DHTKD1: variants seen among roughly 807,000 people sequenced by gnomAD.
DHTKD1 encodes 2-oxoadipate dehydrogenase complex component E1.
A neutral mutation model predicts 101.8 loss-of-function variants in DHTKD1; 78 were observed. That is an observed-to-expected ratio of 0.77 (90% CI 0.64 to 0.93). The LOEUF (loss-of-function observed/expected upper bound fraction) is 0.93, where lower values mean the gene tolerates loss of function less well. Ranked by LOEUF, DHTKD1 falls within the 40% of genes least tolerant of loss-of-function variation. DHTKD1 has a pLI of 0.00. For synonymous variants in DHTKD1, 462 were observed against 450.3 expected, an observed-to-expected ratio of 1.03 and a Z score of -0.33; for missense variants, 1,223 against 1,161.7, an observed-to-expected ratio of 1.05 and a Z score of -0.77.
rs189822340 is a variant in DHTKD1 at position 12,087,244 on chromosome 10, C to G, written c.523-291C>G. 1.3e-3 allele frequency among the ~76,000 whole-genome samples: 200 copies of G among 152,228 alleles called. No homozygotes were observed. Among genetic ancestry groups the G allele is most frequent in the Non-Finnish European group, 2.4e-3 (161 of 68,022 alleles). On this transcript the variant is annotated intron_variant, in intron 3 of 16. Coordinates refer to ENST00000263035, the MANE Select transcript of DHTKD1 (RefSeq NM_018706.7). This position sits in a 1 kb window ranked among gnomAD's most constrained non-coding sequence, Gnocchi z 5.2. ...GGTACTGGGAAGAGGCAGCAGAAAT[C>G]TAAGGCCTGGATTCCAGTCCAGAAG...
At chr10:12,069,281 GCTGCCGGCCTGAACGCGCGGCC>G in intron 1 of DHTKD1, 94 bp downstream of exon 1, 1 of 1,204,208 alleles carries the variant, frequency 8.3e-7, no homozygotes, top group African/African-American at 1.6e-5. Flanking sequence ...CGGGGAACCG[GCTGCCGGCCTGAACGCGCGGCC>G]GGTGGGGAGG....
intron 10 of DHTKD1, among the ~76,000 whole-genome samples, chr10:12,104,247 C>T (rs547625594): frequency 1.2e-3 from 190 of 152,196 alleles, no homozygotes; most frequent in African/African-American, 4.4e-3. Context: ...GGCGCAACCT[C>T]GGCTCACTGC....
intron 1 of DHTKD1, among the ~76,000 whole-genome samples, chr10:12,081,156 CCAGGCTACTTGGGAGG>C (rs1832810034): frequency 6.6e-6 from 1 of 151,502 alleles, no homozygotes; most frequent in Admixed American, 6.6e-5. Context: ...AAAAAATTAG[CCAGGCTACTTGGGAGG>C]CTGAGGCAGG....
intron 6 of DHTKD1, among the ~76,000 whole-genome samples, chr10:12,092,735 G>A (rs1261612200): frequency 7.9e-5 from 12 of 151,916 alleles, no homozygotes; most frequent in Admixed American, 5.3e-4. Context: ...CCTGGGAGGC[G>A]GAGGTTGCAG....
At chr10:12,111,737 G>T (rs1024625383) in intron 12 of DHTKD1, among the ~76,000 whole-genome samples, 2 of 152,144 alleles carry the variant, frequency 1.3e-5, no homozygotes, top group African/African-American at 2.4e-5. Context: ...CATTAGCTGA[G>T]AGTGGTGATG....
At position 12,097,802 on chromosome 10, in the gene DHTKD1, A is replaced by G. The variant is rs761255122; in HGVS notation, c.1477A>G (p.Asn493Asp). ...SYYAKLNDHL[N>D]NMAHYRPPAL... is the part of the protein sequence containing the mutation. ...CTATGCCAAGTTGAATGATCACTTA[A>G]ATAACATGGCCCACTACAGGCCCCC... Residue 493 changes from asparagine to aspartate, a missense_variant, in exon 8 of 17, where the codon AAT becomes GAT. Physicochemically the swap from Asn to Asp is conservative, Grantham distance 23 (BLOSUM62 1). Coordinates refer to ENST00000263035, the MANE Select transcript of DHTKD1 (RefSeq NM_018706.7). 6.8e-6 allele frequency: 11 copies of G among 1,614,228 alleles called. No homozygotes were observed. The highest frequency in any genetic ancestry group is 9.3e-6 in the Non-Finnish European group (11 of 1,180,040).
At chr10:12,077,523 C>T (rs759937107) in intron 1 of DHTKD1, among the ~76,000 whole-genome samples, 47 of 152,334 alleles carry the variant, frequency 3.1e-4, no homozygotes, top group Middle Eastern at 3.4e-3. Context: ...AGGCATGAGC[C>T]ACTGTGCCCG....
chr10:12,085,652 G>T (rs2131355843), intron 3 of DHTKD1, among the ~76,000 whole-genome samples: 1 of 152,256 alleles, frequency 6.6e-6, no homozygotes, highest in Middle Eastern at 3.4e-3. Flanking sequence ...GCTTAGGTGG[G>T]CGTATTGCTT....
intron 1 of DHTKD1, among the ~76,000 whole-genome samples, chr10:12,079,831 C>G (rs945562748): frequency 1.3e-5 from 2 of 152,200 alleles, no homozygotes; most frequent in African/African-American, 4.8e-5. Context: ...ATTTATAGGA[C>G]TAACCCCCAG....
At chr10:12,117,790 C>G (rs372895137) in intron 14 of DHTKD1, 35 bp downstream of exon 14, 1 of 1,249,730 alleles carries the variant, frequency 8.0e-7, no homozygotes, top group Non-Finnish European at 1.2e-6. Flanking sequence ...TATTCTGTGG[C>G]AGAATTTTAA....
intron 14 of DHTKD1, among the ~76,000 whole-genome samples, chr10:12,118,282 C>T (rs1833451260): frequency 6.6e-6 from 1 of 151,946 alleles, no homozygotes; most frequent in Non-Finnish European, 1.5e-5. Flanking sequence ...AAGAAGGGTC[C>T]CCAGGAATAG....
intron 12 of DHTKD1, among the ~76,000 whole-genome samples, chr10:12,112,500 G>GCACACA (rs141598482): frequency 1.6e-4 from 24 of 151,024 alleles, no homozygotes; most frequent in African/African-American, 5.9e-4. Flanking sequence ...AAGCACGCGT[G>GCACACA]CACACACACA....
At chr10:12,081,733 A>C (rs2131352414) in intron 2 of DHTKD1, 106 bp downstream of exon 2, 3 of 1,265,752 alleles carry the variant, frequency 2.4e-6, no homozygotes, top group Non-Finnish European at 3.3e-6. Context: ...AGGCTCCCGC[A>C]GGTGTGAGGA....
intron 10 of DHTKD1, among the ~76,000 whole-genome samples, chr10:12,102,422 CAAAAAA>C (rs752816882): frequency 3.1e-5 from 2 of 64,838 alleles, no homozygotes; most frequent in African/African-American, 1.2e-4. Context: ...GACTCTGTCT[CAAAAAA>C]AAAAAAAAAA....
intron 1 of DHTKD1, among the ~76,000 whole-genome samples, chr10:12,073,686 G>T (rs747646673): frequency 6.6e-6 from 1 of 152,164 alleles, no homozygotes; most frequent in African/African-American, 2.4e-5. Context: ...GAAAAGCTCA[G>T]TCTGGCCCAG....
rs769789126 is a variant in DHTKD1, at chr10:12,117,727, A to G, written c.2374A>G (p.Ile792Val). Residue 792 changes from isoleucine to valine, a missense_variant, in exon 14 of 17, where the codon ATT (isoleucine) becomes GTT (valine). Ile to Val is a conservative substitution (Grantham distance 29, BLOSUM62 3). Transcript: ENST00000263035. ...MAPGTTFNPV[I>V]GDSSVDPKKV... is the part of the protein sequence containing the mutation. The stretch of plus-strand genomic sequence containing the variant: ...ACCAGGAACAACATTTAACCCGGTC[A>G]TTGGTGATTCATCTGTGGATCCAAA... 4.4e-6 allele frequency: 7 copies of G among 1,605,440 alleles called. No homozygotes were observed. Among genetic ancestry groups the G allele is most frequent in the South Asian group, 2.2e-5 (2 of 89,576 alleles).
intron 1 of DHTKD1, among the ~76,000 whole-genome samples, chr10:12,077,550 G>A (rs1832753085): frequency 6.6e-6 from 1 of 152,122 alleles, no homozygotes; most frequent in Admixed American, 6.6e-5. Flanking sequence ...CATTAAGTCT[G>A]GATGCTTTTT....
chr10:12,117,017 G>A (rs1454882329), intron 13 of DHTKD1, among the ~76,000 whole-genome samples: 1 of 148,366 alleles, frequency 6.7e-6, no homozygotes, highest in African/African-American at 2.5e-5. Flanking sequence ...GGTTTGTTTT[G>A]TTTCGGATGA....
chr10:12,101,326 G>A, intron 10 of DHTKD1, 145 bp downstream of exon 10: 3 of 857,322 alleles, frequency 3.5e-6, no homozygotes, highest in Non-Finnish European at 5.2e-6. Flanking sequence ...GATGAGGTGG[G>A]TCTGTCAATT....
Sources: allele counts gnomAD v4.1 joint callset (sites outside exome capture counted in the v4.1 genomes callset), GRCh38; gene constraint gnomAD v4.1.1; non-coding constraint Gnocchi (gnomAD v3.1); transcripts MANE v1.5; gene names NCBI Gene and HGNC (gene_info 2026-07-23, HGNC 2026-07-21).